Variants in RNF20 observed in about 807,000 individuals in gnomAD.
RNF20 encodes the protein ring finger protein 20.
RNF20 carries 84 observed loss-of-function variants against 126.2 expected under a neutral mutation model. The observed-to-expected ratio is 0.67, with a 90% confidence interval of 0.56 to 0.80. The LOEUF (loss-of-function observed/expected upper bound fraction) is 0.80. RNF20 is among the 30% of genes least tolerant of loss of function. RNF20 has a pLI of 0.00. For synonymous variants in RNF20, 400 were observed against 414.3 expected (o/e 0.97, Z 0.42); for missense variants, 869 against 1,188.2 (o/e 0.73, Z 3.95).
intron 13 of RNF20, 95 bp from the exon 14 acceptor site, chr9:101,553,891 CTG>C (rs1827488060): frequency 3.1e-6 from 2 of 642,176 alleles, no homozygotes; most frequent in Non-Finnish European, 5.4e-6. Context: ...TAAAATGAAA[CTG>C]TTTTAAAATA....
intron 16 of RNF20, among the ~76,000 whole-genome samples, chr9:101,559,478 T>A (rs930654678): frequency 1.3e-5 from 2 of 152,232 alleles, no homozygotes; most frequent in African/African-American, 4.8e-5. Context: ...ATTTGTAGAT[T>A]GCTTTTGGCA....
rs916833534 is a variant in RNF20 at position 101,540,718 on chromosome 9, A to G, written c.446-75A>G. On this transcript the variant is annotated intron_variant, in intron 4 of 19. Transcript: ENST00000389120. Reference sequence around the variant, plus strand: ...GCTCTGCTTTGAGGCTTTCCATTTGAGGGAAAAAAAATGGATTTTGTTATT... The same window carrying G: ...GCTCTGCTTTGAGGCTTTCCATTTGGGGGAAAAAAAATGGATTTTGTTATT... The G allele has an allele frequency of 5.7e-6, 9 of 1,589,138 alleles. No homozygotes were observed. In the African/African-American group the frequency reaches 1.2e-4, roughly 22 times the overall value.
chr9:101,540,594 A>G lies in RNF20; in HGVS notation c.402A>G (p.Pro134=). 6.2e-7 allele frequency: 1 copy of G among 1,614,216 alleles called. No individual in the cohort carries two copies. Among genetic ancestry groups the G allele is most frequent in the Middle Eastern group, 1.6e-4 (1 of 6,062 alleles). The change falls in exon 4 of 20, where the codon CCA becomes CCG. Residue 134 remains proline, a synonymous_variant. Coordinates refer to ENST00000389120, the MANE Select transcript of RNF20 (RefSeq NM_019592.7). ...RKALVVPEPE[P]DSDSNQERKD... is the part of the protein sequence containing the mutation. The stretch of plus-strand genomic sequence containing the variant: ...CCCTTGTTGTGCCTGAACCAGAACC[A>G]GACTCTGATAGCAATCAGGAGCGTA...
At chr9:101,549,084 G>A (rs1016954237) in intron 9 of RNF20, among the ~76,000 whole-genome samples, 1 of 152,220 alleles carries the variant, frequency 6.6e-6, no homozygotes, top group Non-Finnish European at 1.5e-5. Flanking sequence ...GCGGAGACGA[G>A]AGAGTGTAGA....
Position 101,550,725 on chromosome 9 carries a change from G to C in RNF20, c.1212G>C (p.Glu404Asp), listed in dbSNP as rs1481238639. 3.1e-6 allele frequency: 5 copies of C among 1,614,042 alleles called. No individual in the cohort carries two copies. Among genetic ancestry groups the C allele is most frequent in the Non-Finnish European group, 4.2e-6 (5 of 1,180,014 alleles). Residue 404 changes from glutamate (E) to aspartate (D), a missense_variant, in exon 10 of 20, where the codon GAG becomes GAC. By Grantham distance (45) the Glu-to-Asp change is conservative. Around this residue, in one of 8 missense-constraint regions of RNF20, gnomAD observed 153 missense variants for 226.4 expected, o/e 0.68. Coordinates refer to ENST00000389120, the MANE Select transcript of RNF20 (RefSeq NM_019592.7). ...TACAGTTGAAAGCACACTTGGATGA[G>C]GCTCGGACCCTGCTTCATGGCACCA... ...ESLQLKAHLD[E>D]ARTLLHGTRG...
intron 9 of RNF20, among the ~76,000 whole-genome samples, chr9:101,549,605 C>G (rs1827409248): frequency 6.6e-6 from 1 of 152,092 alleles, no homozygotes; most frequent in African/African-American, 2.4e-5. Flanking sequence ...TCCTGGTCTG[C>G]TAAGTAGCAG....
At chr9:101,538,030 G>A (rs571030299) in intron 2 of RNF20, among the ~76,000 whole-genome samples, 43 of 152,334 alleles carry the variant, frequency 2.8e-4, no homozygotes, top group Non-Finnish European at 4.4e-4. Flanking sequence ...AAAGAAGGAG[G>A]TGAGAGAAGT....
intron 10 of RNF20, among the ~76,000 whole-genome samples, chr9:101,550,987 A>G (rs1305719491): frequency 6.6e-6 from 1 of 152,194 alleles, no homozygotes; most frequent in Non-Finnish European, 1.5e-5. Flanking sequence ...GTCTGCAGTA[A>G]TGGGAGAATA....
At chr9:101,535,630 T>G in intron 2 of RNF20, 78 bp downstream of exon 2, 2 of 1,494,286 alleles carry the variant, frequency 1.3e-6, no homozygotes, top group Non-Finnish European at 1.8e-6. Flanking sequence ...ATGGAAGCTT[T>G]CTGGAGTATG....
intron 4 of RNF20, 21 bp downstream of exon 4, chr9:101,540,658 C>T: frequency 6.2e-7 from 1 of 1,613,278 alleles, no homozygotes; most frequent in Non-Finnish European, 8.5e-7. Flanking sequence ...GTGATGGATT[C>T]TATCACTGCA....
intron 2 of RNF20, among the ~76,000 whole-genome samples, chr9:101,540,002 G>A (rs1588216601): frequency 6.6e-6 from 1 of 152,222 alleles, no homozygotes; most frequent in Non-Finnish European, 1.5e-5. Context: ...GTGTATTTGT[G>A]TGTATTATTC....
At chr9:101,541,055 G>C in intron 5 of RNF20, 80 bp downstream of exon 5, 1 of 1,050,126 alleles carries the variant, frequency 9.5e-7, no homozygotes, top group Non-Finnish European at 1.3e-6. Context: ...TAGTTTGCAA[G>C]CTTACATATT....
At chr9:101,536,095 A>G (rs1390414486) in intron 2 of RNF20, among the ~76,000 whole-genome samples, 2 of 152,240 alleles carry the variant, frequency 1.3e-5, no homozygotes, top group Non-Finnish European at 2.9e-5. Flanking sequence ...AACACTTTGC[A>G]TTTAATATAG....
rs975273591 is a variant in RNF20, at chr9:101,554,975, T to G, written c.2169+132T>G. On this transcript the variant is annotated intron_variant, in intron 15 of 19. Coordinates refer to ENST00000389120, the MANE Select transcript of RNF20 (RefSeq NM_019592.7). ...AATGTGTATTTTTCCTTTTTGTGTG[T>G]GTGTTTTAATTCTTACCTTCAAGTC... 26 of 554,334 alleles carry G rather than the reference T, an allele frequency of 4.7e-5. No homozygotes were observed. The African/African-American group carries it at 4.9e-4, about 10-fold the overall frequency. 34.3% of individuals were successfully genotyped at this position (554,334 alleles called of 1,614,324 possible). A position where few individuals can be genotyped will look rare whatever the true frequency, so the allele number is the denominator to read the frequency against.
chr9:101,562,222 A>G (rs768710828), intron 19 of RNF20, 24 bp from the exon 20 acceptor site: 2 of 1,601,698 alleles, frequency 1.2e-6, no homozygotes, highest in South Asian at 2.2e-5. Context: ...TGGTTGTTCA[A>G]ACTCTGACAT....
At chr9:101,560,046 A>T (rs1827600732) in intron 16 of RNF20, among the ~76,000 whole-genome samples, 1 of 152,136 alleles carries the variant, frequency 6.6e-6, no homozygotes, top group Non-Finnish European at 1.5e-5. Context: ...ATTGTCATAG[A>T]TGGCTTTTAT....
chr9:101,560,024 G>T (rs544407904), intron 16 of RNF20, among the ~76,000 whole-genome samples: 5 of 152,258 alleles, frequency 3.3e-5, no homozygotes, highest in African/African-American at 1.2e-4. Context: ...TCAGTATAAT[G>T]TTGGCTGTGG....
chr9:101,539,077 T>C lies in RNF20; in HGVS notation c.130-1126T>C, dbSNP rs145587866. Among the ~76,000 whole-genome samples, 372 of 152,330 alleles carry C rather than the reference T, an allele frequency of 2.4e-3. 1 individual carries two copies. The highest frequency in any genetic ancestry group is 3.3e-3 in the Non-Finnish European group (222 of 68,028). Reference sequence around the variant, plus strand: ...ATGGGTCAAAGAGATGGGGAATTGTTTTCCATCTGATGGCTTCTATTTTCT... The same window carrying C: ...ATGGGTCAAAGAGATGGGGAATTGTCTTCCATCTGATGGCTTCTATTTTCT... On this transcript the variant is annotated intron_variant, in intron 2 of 19. Coordinates refer to ENST00000389120, the MANE Select transcript of RNF20 (RefSeq NM_019592.7).
intron 15 of RNF20, among the ~76,000 whole-genome samples, chr9:101,555,502 A>G (rs1216715748): frequency 6.6e-6 from 1 of 152,162 alleles, no homozygotes; most frequent in African/African-American, 2.4e-5. Context: ...AAATGCTTGA[A>G]AAAACCATAT....
Sources: gnomAD v4.1 joint callset for allele counts (sites outside exome capture counted in the v4.1 genomes callset) on GRCh38, gnomAD v4.1.1 for gene constraint, gnomAD v4.1.1 regional missense constraint, MANE v1.5 for transcripts, NCBI Gene and HGNC (gene_info 2026-07-23, HGNC 2026-07-21) for gene names.